The following CLSTN1 variants were observed in gnomAD, a reference collection of about 807,000 sequenced individuals.
CLSTN1 encodes calsyntenin 1, also known as calsyntenin-1.
In CLSTN1, 28 loss-of-function variants were observed where a neutral mutation model predicts 108.3. That is an observed-to-expected ratio of 0.26 (90% confidence interval 0.19 to 0.35). CLSTN1 has a LOEUF of 0.35. Among genes scored for constraint, CLSTN1 ranks in the 10% least tolerant of loss-of-function variants. The pLI, the probability that CLSTN1 is intolerant of heterozygous loss-of-function variation, is 1.00. For synonymous variants in CLSTN1, 524 were observed against 534.9 expected (o/e 0.98, Z 0.28); for missense variants, 1,157 against 1,302.6 (o/e 0.89, Z 1.72).
rs942818298 is a variant in CLSTN1 at position 9,734,490 on chromosome 1, G to A, written c.2111-348C>T. Among the ~76,000 whole-genome samples, 4 of 151,582 alleles carry A rather than the reference G, an allele frequency of 2.6e-5. No homozygotes were observed. Among genetic ancestry groups the A allele is most frequent in the Non-Finnish European group, 5.9e-5 (4 of 67,960 alleles). On this transcript the variant is annotated intron_variant, in intron 14 of 18. Coordinates refer to ENST00000377298, the MANE Select transcript of CLSTN1 (RefSeq NM_001009566.3). This position sits in a 1 kb window ranked among gnomAD's most constrained non-coding sequence, Gnocchi z 4.8. ...TTCGGGAGGCTGAGGCAGGAGAATCGCTTGAACTCAGGAGGTGGATGCTGC... is the reference window on the plus strand; with the variant it reads ...TTCGGGAGGCTGAGGCAGGAGAATCACTTGAACTCAGGAGGTGGATGCTGC...
intron 1 of CLSTN1, among the ~76,000 whole-genome samples, chr1:9,813,374 C>T (rs1018407790): frequency 6.6e-6 from 1 of 151,270 alleles, no homozygotes; most frequent in African/African-American, 2.4e-5. Context: ...TGGTGCATGT[C>T]TGTAATCCCA....
At chr1:9,746,333 G>C (rs1267458989) in intron 7 of CLSTN1, among the ~76,000 whole-genome samples, 1 of 152,180 alleles carries the variant, frequency 6.6e-6, no homozygotes, top group African/African-American at 2.4e-5. Flanking sequence ...GATTTTGCAA[G>C]CTCCTTCTTG....
rs1244585528 is a variant in CLSTN1 at position 9,730,007 on chromosome 1, C to T, written c.*501G>A. 2 of 162,230 alleles carry T rather than the reference C, an allele frequency of 1.2e-5. No individual in the cohort carries two copies. The highest frequency in any genetic ancestry group is 3.5e-4 in the East Asian group (2 of 5,788). The allele number at this position is 162,230 out of a possible 1,614,324, so 10.0% of individuals were successfully genotyped here. A position where few individuals can be genotyped will look rare whatever the true frequency, so the allele number is the denominator to read the frequency against. On this transcript the variant is annotated 3_prime_UTR_variant, in exon 19 of 19. Coordinates refer to ENST00000377298, the MANE Select transcript of CLSTN1 (RefSeq NM_001009566.3). The surrounding 1 kb of genome is among the most constrained non-coding windows in gnomAD (Gnocchi z 5.6). ...GGACACAAGGAATCCGATTTATTTA[C>T]AAAATATTAAAAAGTCAGTTAATCA...
chr1:9,815,289 C>T (rs946278), intron 1 of CLSTN1, among the ~76,000 whole-genome samples: 132,437 of 151,946 alleles, frequency 0.87, 58,226 homozygotes, highest in East Asian at 0.95. Context: ...CCCACAGCAG[C>T]AGAGTTCAAA....
chr1:9,785,118 T>C (rs1653422483), intron 1 of CLSTN1, among the ~76,000 whole-genome samples: 1 of 151,792 alleles, frequency 6.6e-6, no homozygotes, highest in Admixed American at 6.6e-5. Flanking sequence ...GTTTTCACCA[T>C]GTTGGCCAGG....
At position 9,756,511 on chromosome 1, in the gene CLSTN1, C is replaced by T. The variant is rs1213272154; in HGVS notation, c.215-1G>A. On this transcript the variant is annotated splice_acceptor_variant, in intron 2 of 18. Coordinates refer to ENST00000377298, the MANE Select transcript of CLSTN1 (RefSeq NM_001009566.3). LOFTEE classifies it high-confidence loss of function. ...TTGGTGACTGTCACCTCAAAACTCT[C>T]TAAAGGGAGAAAAGATAAGCCCATG... is the stretch of plus-strand genomic sequence containing the variant. 1.2e-6 allele frequency: 2 copies of T among 1,612,346 alleles called. No homozygotes were observed. The highest frequency in any genetic ancestry group is 1.7e-6 in the Non-Finnish European group (2 of 1,178,668).
intron 10 of CLSTN1, among the ~76,000 whole-genome samples, chr1:9,738,317 G>A (rs1650797932): frequency 6.6e-6 from 1 of 152,186 alleles, no homozygotes; most frequent in Admixed American, 6.5e-5. Flanking sequence ...ACACTCTCCA[G>A]GTCATGCTGA....
chr1:9,731,614 G>A (rs1650399002), intron 17 of CLSTN1, 147 bp downstream of exon 17: 1 of 943,604 alleles, frequency 1.1e-6, no homozygotes. Flanking sequence ...CTCTTCGAGG[G>A]CTTTAGTTTC....
At chr1:9,791,512 G>A (rs1347166759) in intron 1 of CLSTN1, among the ~76,000 whole-genome samples, 1 of 151,450 alleles carries the variant, frequency 6.6e-6, no homozygotes, top group South Asian at 2.1e-4. Flanking sequence ...GGGATTACAG[G>A]AGTGAGCCAC....
intron 1 of CLSTN1, among the ~76,000 whole-genome samples, chr1:9,788,337 G>A (rs898931289): frequency 4.0e-5 from 6 of 151,506 alleles, no homozygotes; most frequent in African/African-American, 1.2e-4. Context: ...TTGGGAGGCC[G>A]ACATGGGTGG....
chr1:9,750,627 C>T (rs907867963), intron 5 of CLSTN1, among the ~76,000 whole-genome samples: 8 of 150,426 alleles, frequency 5.3e-5, no homozygotes, highest in African/African-American at 2.0e-4. Context: ...CGGGAGGATC[C>T]CGTGAGCCCA....
At chr1:9,767,997 G>A (rs2101144487) in intron 2 of CLSTN1, among the ~76,000 whole-genome samples, 1 of 152,248 alleles carries the variant, frequency 6.6e-6, no homozygotes, top group South Asian at 2.1e-4. Context: ...TGAGGTCTGT[G>A]ACATTAATGA....
chr1:9,758,479 A>G (rs1382683389), intron 2 of CLSTN1, among the ~76,000 whole-genome samples: 3 of 148,986 alleles, frequency 2.0e-5, no homozygotes, highest in Non-Finnish European at 4.5e-5. Context: ...AAGCCTCGCT[A>G]ATTTTTGTAT....
intron 4 of CLSTN1, among the ~76,000 whole-genome samples, chr1:9,752,633 C>A (rs569589976): frequency 1.3e-5 from 2 of 152,184 alleles, no homozygotes; most frequent in East Asian, 3.9e-4. Flanking sequence ...GAGGCTGAGG[C>A]AGGAGGGTCA....
intron 5 of CLSTN1, 69 bp downstream of exon 5, chr1:9,751,403 TG>T: frequency 6.9e-7 from 1 of 1,445,768 alleles, no homozygotes; most frequent in Non-Finnish European, 9.6e-7. Context: ...GCACAGAAGC[TG>T]GGGTGTAAAG....
intron 4 of CLSTN1, among the ~76,000 whole-genome samples, chr1:9,753,541 G>C (rs1651660266): frequency 6.6e-6 from 1 of 151,708 alleles, no homozygotes; most frequent in African/African-American, 2.4e-5. Flanking sequence ...GCCCAGGCTG[G>C]AGTGCAATGA....
At chr1:9,774,562 C>T (rs1243633869) in intron 1 of CLSTN1, among the ~76,000 whole-genome samples, 3 of 150,064 alleles carry the variant, frequency 2.0e-5, no homozygotes. Flanking sequence ...TGAGACTCCG[C>T]CTCAAAAAAA....
Position 9,823,580 on chromosome 1 carries a change from A to T in CLSTN1, c.91+63T>A. On this transcript the variant is annotated intron_variant, in intron 1 of 18. Transcript: ENST00000377298. The surrounding 1 kb of genome is among the most constrained non-coding windows in gnomAD (Gnocchi z 6.3). ...ACCCGAATCCCCGCACCGGGACCCG[A>T]ATCCTGCACCCGGACCCGAATCCCG... is the stretch of plus-strand genomic sequence containing the variant. 1.8e-6 allele frequency: 2 copies of T among 1,091,624 alleles called. No individual in the cohort carries two copies. The highest frequency in any genetic ancestry group is 2.3e-6 in the Non-Finnish European group (2 of 875,950). 67.6% of individuals were successfully genotyped at this position (1,091,624 alleles called of 1,614,324 possible). A position where few individuals can be genotyped will look rare whatever the true frequency, so the allele number is the denominator to read the frequency against.
At chr1:9,807,705 C>T (rs747848117) in intron 1 of CLSTN1, among the ~76,000 whole-genome samples, 3 of 152,244 alleles carry the variant, frequency 2.0e-5, no homozygotes, top group South Asian at 2.1e-4. Flanking sequence ...CCACCGCCCC[C>T]GGTTGTGGCT....
Sources: allele counts gnomAD v4.1 joint callset (sites outside exome capture counted in the v4.1 genomes callset), GRCh38; gene constraint gnomAD v4.1.1; non-coding constraint Gnocchi (gnomAD v3.1); transcripts MANE v1.5; gene names NCBI Gene and HGNC (gene_info 2026-07-23, HGNC 2026-07-21).